Variants in PDE4D observed in about 807,000 individuals in gnomAD.
The protein encoded by PDE4D is 3',5'-cyclic-AMP phosphodiesterase 4D.
PDE4D carries 24 observed loss-of-function variants against 87.4 expected under a neutral mutation model. The ratio of observed to expected loss-of-function variants is 0.27; its 90% CI spans 0.20 to 0.39. PDE4D has a LOEUF of 0.39. Ranked by LOEUF, PDE4D falls within the 10% of genes least tolerant of loss-of-function variation. The pLI is 1.00. For synonymous variants in PDE4D, 384 were observed against 383.2 expected, an observed-to-expected ratio of 1.00 and a Z score of -0.02; for missense variants, 714 against 1,041.0, an observed-to-expected ratio of 0.69 and a Z score of 4.32.
intron 1 of PDE4D, among the ~76,000 whole-genome samples, chr5:60,286,218 T>C (rs1245790123): frequency 6.6e-6 from 1 of 152,116 alleles, no homozygotes. Context: ...TCTGTTTCCT[T>C]AGTGAGAGAG....
chr5:59,747,088 T>C (rs1759722543), intron 1 of PDE4D, among the ~76,000 whole-genome samples: 1 of 152,206 alleles, frequency 6.6e-6, no homozygotes, highest in Non-Finnish European at 1.5e-5. Context: ...CTTCAGATAA[T>C]CTTACCTGAA....
intron 1 of PDE4D, among the ~76,000 whole-genome samples, chr5:59,265,658 C>T (rs1762750965): frequency 6.6e-6 from 1 of 152,022 alleles, no homozygotes; most frequent in South Asian, 2.1e-4. Flanking sequence ...ACATATACAT[C>T]ATTGCTAAAG....
intron 1 of PDE4D, among the ~76,000 whole-genome samples, chr5:59,330,517 A>T (rs1235923383): frequency 6.6e-6 from 1 of 152,088 alleles, no homozygotes; most frequent in Non-Finnish European, 1.5e-5. Context: ...CTCAGGTAAG[A>T]TTCTAATCTC....
chr5:59,301,812 T>A (rs1300031970), intron 1 of PDE4D, among the ~76,000 whole-genome samples: 1 of 152,086 alleles, frequency 6.6e-6, no homozygotes, highest in African/African-American at 2.4e-5. Context: ...GTCAGGTGAC[T>A]GTCATGCAAT....
intron 5 of PDE4D, among the ~76,000 whole-genome samples, chr5:59,087,470 C>A (rs895730656): frequency 2.0e-5 from 3 of 151,916 alleles, no homozygotes; most frequent in Non-Finnish European, 4.4e-5. Context: ...GGTGACAGAG[C>A]AAGACCCTAT....
In PDE4D at chr5:59,053,362, TACACACACACACAC is replaced by T. The variant is rs57805618; in HGVS notation, c.809-14405_809-14392del. On this transcript the variant is annotated intron_variant, in intron 5 of 14. Coordinates refer to ENST00000340635, the MANE Select transcript of PDE4D (RefSeq NM_001104631.2). Reference sequence around the variant, plus strand: ...TGTCTGAAAACATAATGGGTGTACATACACACACACACACACACACACACACACACACACACACA... The same window carrying T: ...TGTCTGAAAACATAATGGGTGTACATACACACACACACACACACACACACA... Among the ~76,000 whole-genome samples, 633 of 142,132 alleles carry T rather than the reference TACACACACACACAC, an allele frequency of 4.5e-3. 5 individuals are homozygous for T. The highest frequency in any genetic ancestry group is 0.022 in the South Asian group (94 of 4,326). 93.2% of individuals were successfully genotyped at this position (142,132 alleles called of 152,430 possible).
At chr5:59,182,417 A>G (rs1230519136) in intron 4 of PDE4D, among the ~76,000 whole-genome samples, 1 of 151,818 alleles carries the variant, frequency 6.6e-6, no homozygotes, top group East Asian at 1.9e-4. Flanking sequence ...GCATGCCACC[A>G]TGCTTGGCTA....
At chr5:59,862,362 C>T (rs1444949306) in intron 1 of PDE4D, among the ~76,000 whole-genome samples, 1 of 152,106 alleles carries the variant, frequency 6.6e-6, no homozygotes, top group African/African-American at 2.4e-5. Context: ...AGGAAAAAGT[C>T]ATATCTAATC....
chr5:60,400,194 A>T (rs1740932673), intron 1 of PDE4D, among the ~76,000 whole-genome samples: 1 of 152,234 alleles, frequency 6.6e-6, no homozygotes, highest in Non-Finnish European at 1.5e-5. Context: ...ATGGTAAAAC[A>T]GAAGTGGATG....
intron 1 of PDE4D, among the ~76,000 whole-genome samples, chr5:59,331,580 A>T (rs1776735437): frequency 6.6e-6 from 1 of 152,116 alleles, no homozygotes. Flanking sequence ...CATAAGCCTC[A>T]TGTTTTCCCT....
At chr5:59,332,262 C>T (rs1020169001) in intron 1 of PDE4D, among the ~76,000 whole-genome samples, 1 of 152,070 alleles carries the variant, frequency 6.6e-6, no homozygotes, top group Admixed American at 6.6e-5. Context: ...CCCAAAACAG[C>T]ATAAAATTTT....
At chr5:59,813,553 G>A (rs560331156) in intron 1 of PDE4D, among the ~76,000 whole-genome samples, 3 of 151,882 alleles carry the variant, frequency 2.0e-5, no homozygotes, top group Non-Finnish European at 2.9e-5. Context: ...AGATTTATTT[G>A]CCATTAGCAG....
intron 1 of PDE4D, among the ~76,000 whole-genome samples, chr5:59,512,582 T>G (rs1478368935): frequency 6.6e-6 from 1 of 152,166 alleles, no homozygotes; most frequent in Non-Finnish European, 1.5e-5. Context: ...CCATTGAACT[T>G]ATCAGTTTTG....
intron 3 of PDE4D, among the ~76,000 whole-genome samples, chr5:59,934,279 G>A (rs977215783): frequency 1.3e-5 from 2 of 152,192 alleles, no homozygotes; most frequent in Non-Finnish European, 2.9e-5. Flanking sequence ...ACTGCATAAC[G>A]AAGTAAAAGG....
intron 5 of PDE4D, among the ~76,000 whole-genome samples, chr5:59,174,661 A>G (rs1783543643): frequency 6.6e-6 from 1 of 152,170 alleles, no homozygotes; most frequent in South Asian, 2.1e-4. Flanking sequence ...TGCCACATCT[A>G]TTACTCAGGA....
intron 1 of PDE4D, among the ~76,000 whole-genome samples, chr5:59,284,721 C>T (rs1464081626): frequency 1.8e-5 from 2 of 111,940 alleles, no homozygotes; most frequent in East Asian, 4.9e-4. Context: ...GGTATATACC[C>T]AAATGACTAT....
chr5:59,379,305 A>T (rs1486745117), intron 1 of PDE4D, among the ~76,000 whole-genome samples: 1 of 152,186 alleles, frequency 6.6e-6, no homozygotes, highest in Non-Finnish European at 1.5e-5. Context: ...ACACCTAAAA[A>T]AGTGCTGTCA....
chr5:59,923,195 A>G (rs1478016188), intron 3 of PDE4D, among the ~76,000 whole-genome samples: 1 of 152,174 alleles, frequency 6.6e-6, no homozygotes, highest in African/African-American at 2.4e-5. Flanking sequence ...CACGTAAAAT[A>G]GAACACCAGG....
intron 1 of PDE4D, among the ~76,000 whole-genome samples, chr5:60,401,191 ATG>A: frequency 6.6e-6 from 1 of 152,214 alleles, no homozygotes; most frequent in Admixed American, 6.5e-5. Context: ...AAGTCAGGAC[ATG>A]ATAAGCCCAA....
Sources: gnomAD v4.1 joint callset for allele counts (sites outside exome capture counted in the v4.1 genomes callset) on GRCh38, gnomAD v4.1.1 for gene constraint, MANE v1.5 for transcripts, NCBI Gene and HGNC (gene_info 2026-07-23, HGNC 2026-07-21) for gene names.